Variants in HERC4 observed in about 807,000 individuals in gnomAD.
HERC4 encodes HECT and RLD domain containing E3 ubiquitin protein ligase 4, also known as probable E3 ubiquitin-protein ligase HERC4.
A neutral mutation model predicts 124.3 loss-of-function variants in HERC4; 28 were observed. The observed-to-expected ratio is 0.23, with a 90% confidence interval of 0.17 to 0.31. The LOEUF (loss-of-function observed/expected upper bound fraction) is 0.31. Among genes scored for constraint, HERC4 ranks in the 10% least tolerant of loss-of-function variants. The pLI is 1.00. For missense variants in HERC4, 713 were observed against 1,229.3 expected (o/e 0.58, Z 6.28); for synonymous variants, 407 against 421.5 (o/e 0.97, Z 0.42).
intron 15 of HERC4, among the ~76,000 whole-genome samples, chr10:67,973,866 G>A (rs959053961): frequency 6.6e-6 from 1 of 151,888 alleles, no homozygotes; most frequent in Admixed American, 6.6e-5. Context: ...ATTCAACATG[G>A]TGAAACCCCA....
intron 9 of HERC4, among the ~76,000 whole-genome samples, chr10:67,999,787 A>C (rs2132911784): frequency 6.6e-6 from 1 of 152,246 alleles, no homozygotes; most frequent in Non-Finnish European, 1.5e-5. Context: ...ATTTCATAAA[A>C]CTCTGCTTGA....
chr10:68,030,530 C>G (rs2039150233), intron 7 of HERC4, among the ~76,000 whole-genome samples: 1 of 152,178 alleles, frequency 6.6e-6, no homozygotes, highest in African/African-American at 2.4e-5. Flanking sequence ...TTCCATACAC[C>G]TTGCTCTTTT....
At chr10:67,965,012 T>A (rs1195254696) in intron 16 of HERC4, 1 of 152,342 alleles carries the variant, frequency 6.6e-6, no homozygotes, top group African/African-American at 2.4e-5. Flanking sequence ...GACCTCGTGA[T>A]CTGCCCACCT....
intron 15 of HERC4, among the ~76,000 whole-genome samples, chr10:67,978,885 T>C (rs911796503): frequency 6.6e-6 from 1 of 152,218 alleles, no homozygotes; most frequent in Non-Finnish European, 1.5e-5. Context: ...GCAGTACCTT[T>C]ATGAGTCTGC....
At chr10:67,948,098 C>A (rs1020256821) in intron 19 of HERC4, among the ~76,000 whole-genome samples, 37 of 129,204 alleles carry the variant, frequency 2.9e-4, no homozygotes, top group African/African-American at 9.0e-4. Context: ...TTATAGGATG[C>A]AAAAATAGTG....
intron 23 of HERC4, among the ~76,000 whole-genome samples, chr10:67,928,605 C>G (rs986233185): frequency 2.0e-5 from 3 of 152,086 alleles, no homozygotes; most frequent in Admixed American, 1.3e-4. Flanking sequence ...AATTCTTGAG[C>G]CTTTCAGATT....
At chr10:68,020,368 TA>T (rs1346151418) in intron 8 of HERC4, among the ~76,000 whole-genome samples, 1 of 150,032 alleles carries the variant, frequency 6.7e-6, no homozygotes, top group Non-Finnish European at 1.5e-5. Flanking sequence ...AGACAAAGAC[TA>T]AATCAAACAT....
intron 5 of HERC4, among the ~76,000 whole-genome samples, chr10:68,035,480 C>T (rs2039415553): frequency 6.6e-6 from 1 of 152,138 alleles, no homozygotes; most frequent in Non-Finnish European, 1.5e-5. Flanking sequence ...TTACCAATTA[C>T]TGGTAAGTCC....
chr10:67,927,410 ATATATATATATATATATATATTT>A (rs1564910899), intron 23 of HERC4, among the ~76,000 whole-genome samples: 1 of 9,442 alleles, frequency 1.1e-4, no homozygotes, highest in African/African-American at 2.9e-4. Context: ...ATATATATAT[ATATATATATATATATATATATTT>A]TTTTTTTTTT....
chr10:68,073,067 C>A lies in HERC4; in HGVS notation c.42G>T (p.Leu14Phe). Residue 14 changes from leucine (L) to phenylalanine (F), a missense_variant, in exon 3 of 25, where the codon TTG becomes TTT. By Grantham distance (22) the Leu-to-Phe change is conservative (BLOSUM62 0). Transcript: ENST00000373700. ...GTACAATTTCTTCATCAATTCCACC[C>A]AAACCTAGCTGCCCAAAGGATGCAT... ...WGNASFGQLG[L>F]GGIDEEIVLE... The A allele has an allele frequency of 6.2e-7, 1 of 1,613,952 alleles. No homozygotes were observed. Among genetic ancestry groups the A allele is most frequent in the Non-Finnish European group, 8.5e-7 (1 of 1,179,914 alleles).
chr10:67,991,278 T>A, intron 11 of HERC4, 79 bp from the exon 12 acceptor site: 1 of 788,828 alleles, frequency 1.3e-6, no homozygotes. Context: ...AGAATTAAAA[T>A]GAATAATTAA....
At chr10:68,023,937 C>T (rs2038775801) in intron 8 of HERC4, among the ~76,000 whole-genome samples, 1 of 151,994 alleles carries the variant, frequency 6.6e-6, no homozygotes, top group Non-Finnish European at 1.5e-5. Context: ...ATAAATGGCA[C>T]TATTAAGTAA....
intron 3 of HERC4, among the ~76,000 whole-genome samples, chr10:68,047,536 A>T (rs2040074818): frequency 6.6e-6 from 1 of 152,234 alleles, no homozygotes; most frequent in African/African-American, 2.4e-5. Flanking sequence ...TAAGAAAACG[A>T]ACAATCCTAT....
chr10:68,041,598 A>G (rs750972125), intron 4 of HERC4, among the ~76,000 whole-genome samples: 1 of 152,166 alleles, frequency 6.6e-6, no homozygotes, highest in Non-Finnish European at 1.5e-5. Flanking sequence ...TCTTGCCATA[A>G]TTTTTTAATG....
At chr10:68,034,934 T>C (rs934546144) in intron 5 of HERC4, among the ~76,000 whole-genome samples, 15 of 152,090 alleles carry the variant, frequency 9.9e-5, no homozygotes, top group Admixed American at 4.6e-4. Context: ...CCATCTTAAC[T>C]GATTCCTATA....
chr10:67,939,540 T>C, intron 21 of HERC4, 48 bp downstream of exon 21: 1 of 1,285,722 alleles, frequency 7.8e-7, no homozygotes, highest in Non-Finnish European at 1.1e-6. Context: ...GGCTGTTAAA[T>C]AAAAGAGATG....
At chr10:67,952,625 G>A (rs2033873865) in intron 19 of HERC4, among the ~76,000 whole-genome samples, 3 of 151,748 alleles carry the variant, frequency 2.0e-5, no homozygotes, top group African/African-American at 2.4e-5. Context: ...GAGGCCGGGC[G>A]CGGTGGCTCA....
chr10:68,018,773 CATTTT>C (rs1175091432), intron 8 of HERC4, among the ~76,000 whole-genome samples: 2 of 151,832 alleles, frequency 1.3e-5, no homozygotes, highest in Non-Finnish European at 2.9e-5. Flanking sequence ...AATTTTAAAA[CATTTT>C]ATTATAAGAC....
chr10:68,019,411 T>G (rs2038472301), intron 8 of HERC4, among the ~76,000 whole-genome samples: 1 of 152,012 alleles, frequency 6.6e-6, no homozygotes, highest in African/African-American at 2.4e-5. Flanking sequence ...GCATATAGAT[T>G]GAAAAATTAG....
Sources: gnomAD v4.1 joint callset for allele counts (sites outside exome capture counted in the v4.1 genomes callset) on GRCh38, gnomAD v4.1.1 for gene constraint, MANE v1.5 for transcripts, NCBI Gene and HGNC (gene_info 2026-07-23, HGNC 2026-07-21) for gene names.